C14orf132: variants seen among roughly 807,000 people sequenced by gnomAD.
C14orf132 encodes uncharacterized protein C14orf132.
C14orf132 carries 6 observed loss-of-function variants against 5.8 expected under a neutral mutation model. The ratio of observed to expected loss-of-function variants is 1.03; its 90% CI spans 0.57 to 2.04. C14orf132 has a LOEUF of 2.04. Ranked by LOEUF, C14orf132 falls within the 30% of genes most tolerant of loss-of-function variation. The probability of loss-of-function intolerance (pLI) is 0.00; values close to 1 mark genes in which losing one functional copy is unlikely to be tolerated. For missense variants in C14orf132, 125 were observed against 115.8 expected, an observed-to-expected ratio of 1.08 and a Z score of -0.37; for synonymous variants, 51 against 49.8, an observed-to-expected ratio of 1.02 and a Z score of -0.10.
At chr14:96,056,348 C>T (rs574768461) in intron 1 of C14orf132, among the ~76,000 whole-genome samples, 3 of 152,280 alleles carry the variant, frequency 2.0e-5, no homozygotes, top group African/African-American at 7.2e-5. Context: ...GTCAGCTGGG[C>T]CTTTTTGGCC....
chr14:96,066,702 T>A (rs903709402), intron 1 of C14orf132, among the ~76,000 whole-genome samples: 1 of 152,174 alleles, frequency 6.6e-6, no homozygotes, highest in African/African-American at 2.4e-5. Context: ...CTAAGAAAAA[T>A]AGACAAGTAC....
rs141055151 is a variant in C14orf132, at chr14:96,066,530, A to G, written c.28-19981A>G. 3.1e-3 allele frequency among the ~76,000 whole-genome samples: 467 copies of G among 152,260 alleles called. 8 individuals carry two copies. Among genetic ancestry groups the G allele is most frequent in the Middle Eastern group, 0.02 (6 of 294 alleles). On this transcript the variant is annotated intron_variant, in intron 1 of 1. Transcript: ENST00000555004. ...AATAGAGCCAGCTCCTCCACCATGT[A>G]TATATTACATCAAGTAGCTCAGTGC...
chr14:96,071,915 C>T (rs1887721849), intron 1 of C14orf132, among the ~76,000 whole-genome samples: 1 of 152,228 alleles, frequency 6.6e-6, no homozygotes. Context: ...AGCTTCAGCA[C>T]AGTTCTGGGG....
intron 1 of C14orf132, among the ~76,000 whole-genome samples, chr14:96,056,915 T>C (rs1887200432): frequency 6.6e-6 from 1 of 152,170 alleles, no homozygotes; most frequent in Non-Finnish European, 1.5e-5. Context: ...CAGAGGACTT[T>C]GGTAGGTGCT....
chr14:96,065,519 G>T (rs1409122917), intron 1 of C14orf132, among the ~76,000 whole-genome samples: 1 of 152,104 alleles, frequency 6.6e-6, no homozygotes, highest in African/African-American at 2.4e-5. Flanking sequence ...ATGATGCTCA[G>T]TTTCACTTTT....
intron 1 of C14orf132, among the ~76,000 whole-genome samples, chr14:96,050,365 C>T (rs544907690): frequency 6.6e-5 from 10 of 152,294 alleles, no homozygotes; most frequent in Admixed American, 5.9e-4. Context: ...CAATGCTGTT[C>T]TGAGTATTCT....
Position 96,039,657 on chromosome 14 carries a change from G to T in C14orf132, c.27+130G>T. Reference sequence around the variant, plus strand: ...GATCCGCGTCCCGGTCCTTTGTCCCGAGCCGGACACCCCCACTTGGTGCAC... The same window carrying T: ...GATCCGCGTCCCGGTCCTTTGTCCCTAGCCGGACACCCCCACTTGGTGCAC... On this transcript the variant is annotated intron_variant, in intron 1 of 1. Transcript: ENST00000555004. The surrounding 1 kb of genome is among the most constrained non-coding windows in gnomAD (Gnocchi z 5.3). 1.0e-6 allele frequency: 1 copy of T among 987,748 alleles called. No homozygotes were observed. Among genetic ancestry groups the T allele is most frequent in the Non-Finnish European group, 1.4e-6 (1 of 738,180 alleles). 61.2% of individuals were successfully genotyped at this position (987,748 alleles called of 1,614,324 possible). A position where few individuals can be genotyped will look rare whatever the true frequency, so the allele number is the denominator to read the frequency against.
At chr14:96,083,629 A>T (rs1319738846) in intron 1 of C14orf132, among the ~76,000 whole-genome samples, 1 of 152,228 alleles carries the variant, frequency 6.6e-6, no homozygotes, top group Non-Finnish European at 1.5e-5. Context: ...CCATGAGCCC[A>T]GGAATGTGAG....
chr14:96,063,210 C>T (rs1887416894), intron 1 of C14orf132, among the ~76,000 whole-genome samples: 1 of 152,080 alleles, frequency 6.6e-6, no homozygotes, highest in African/African-American at 2.4e-5. Context: ...GCTGCCATCC[C>T]CTCAGGAACA....
At position 96,087,050 on chromosome 14, in the gene C14orf132, A is replaced by C; in HGVS notation, c.*315A>C. On this transcript the variant is annotated 3_prime_UTR_variant, in exon 2 of 2. Transcript: ENST00000555004. The stretch of plus-strand genomic sequence containing the variant: ...GATGAGACAGCTAGTTAAGTTTAAA[A>C]CATAGACATGATTTGATGATCGCTT... The C allele has an allele frequency of 2.5e-6, 1 of 392,158 alleles. No individual in the cohort carries two copies. The highest frequency in any genetic ancestry group is 2.0e-5 in the African/African-American group (1 of 49,366). 24.3% of individuals were successfully genotyped at this position (392,158 alleles called of 1,614,324 possible).
intron 1 of C14orf132, among the ~76,000 whole-genome samples, chr14:96,080,905 G>A (rs551183377): frequency 2.6e-5 from 4 of 152,200 alleles, no homozygotes; most frequent in East Asian, 1.9e-4. Context: ...TAACCATCAC[G>A]CGTTTGGTGC....
At chr14:96,049,629 T>C (rs1223874377) in intron 1 of C14orf132, among the ~76,000 whole-genome samples, 1 of 77,392 alleles carries the variant, frequency 1.3e-5, no homozygotes, top group Non-Finnish European at 2.4e-5. Flanking sequence ...CGTATATATA[T>C]ACATATATAC....
At position 96,050,972 on chromosome 14, in the gene C14orf132, C is replaced by T. The variant is rs59147128; in HGVS notation, c.27+11445C>T. The stretch of plus-strand genomic sequence containing the variant: ...ATTTCCACCGTTCCTCCTTTTCTCC[C>T]GTTGTGGGAAAAGGAATGTTGACAC... On this transcript the variant is annotated intron_variant, in intron 1 of 1. Coordinates refer to ENST00000555004, the MANE Select transcript of C14orf132 (RefSeq NM_001252507.3). Among the ~76,000 whole-genome samples the T allele has an allele frequency of 9.7e-3, 1,483 of 152,152 alleles. 31 individuals are homozygous for T. Among genetic ancestry groups the T allele is most frequent in the African/African-American group, 0.034 (1,421 of 41,486 alleles).
intron 1 of C14orf132, among the ~76,000 whole-genome samples, chr14:96,077,492 C>A (rs925449597): frequency 6.6e-6 from 1 of 152,122 alleles, no homozygotes; most frequent in African/African-American, 2.4e-5. Flanking sequence ...AATTAGGACA[C>A]GGACATGCAC....
chr14:96,064,365 C>T (rs12878454), intron 1 of C14orf132, among the ~76,000 whole-genome samples: 22 of 122,422 alleles, frequency 1.8e-4, no homozygotes, highest in African/African-American at 6.5e-4. Context: ...TGCATATATA[C>T]ACACACACAC....
At chr14:96,048,692 A>T (rs1290728067) in intron 1 of C14orf132, among the ~76,000 whole-genome samples, 5 of 151,590 alleles carry the variant, frequency 3.3e-5, no homozygotes, top group African/African-American at 9.7e-5. Context: ...TACCCAGCTA[A>T]TTTTTGTGTT....
chr14:96,065,841 A>G (rs1887514589), intron 1 of C14orf132, among the ~76,000 whole-genome samples: 1 of 152,156 alleles, frequency 6.6e-6, no homozygotes, highest in Non-Finnish European at 1.5e-5. Flanking sequence ...TTTGGTTCCA[A>G]TGACACTGCT....
chr14:96,071,831 G>T (rs1258753842), intron 1 of C14orf132, among the ~76,000 whole-genome samples: 1 of 152,244 alleles, frequency 6.6e-6, no homozygotes, highest in Non-Finnish European at 1.5e-5. Flanking sequence ...TGCCAGGGCT[G>T]GTGGACATCG....
chr14:96,042,181 G>A (rs750478846), intron 1 of C14orf132, among the ~76,000 whole-genome samples: 18 of 152,224 alleles, frequency 1.2e-4, no homozygotes, highest in Non-Finnish European at 2.2e-4. Flanking sequence ...ACTGTTCTAG[G>A]TGGAGAGATA....
Sources: allele counts gnomAD v4.1 joint callset (sites outside exome capture counted in the v4.1 genomes callset), GRCh38; gene constraint gnomAD v4.1.1; non-coding constraint Gnocchi (gnomAD v3.1); transcripts MANE v1.5; gene names NCBI Gene and HGNC (gene_info 2026-07-23, HGNC 2026-07-21).